RAPGEF1: variants seen among roughly 807,000 people sequenced by gnomAD.
The protein encoded by RAPGEF1 is Rap guanine nucleotide exchange factor 1.
A neutral mutation model predicts 143.3 loss-of-function variants in RAPGEF1; 33 were observed. The observed-to-expected ratio is 0.23, with a 90% confidence interval of 0.17 to 0.31. The LOEUF (loss-of-function observed/expected upper bound fraction) is 0.31. RAPGEF1 is among the 10% of genes least tolerant of loss of function. The probability of loss-of-function intolerance (pLI) is 1.00; values close to 1 mark genes in which losing one functional copy is unlikely to be tolerated. For synonymous variants in RAPGEF1, 629 were observed against 676.5 expected, an observed-to-expected ratio of 0.93 and a Z score of 1.09; for missense variants, 1,199 against 1,645.4, an observed-to-expected ratio of 0.73 and a Z score of 4.69.
rs1193886937 is a variant in RAPGEF1 at position 131,589,872 on chromosome 9, G to T, written c.2867+14C>A. 5 of 1,611,084 alleles carry T rather than the reference G, an allele frequency of 3.1e-6. No homozygotes were observed. The South Asian group carries it at 5.5e-5, about 18-fold the overall frequency. ...CCCCACTGGCCCCCAGGACCCCAAG[G>T]GTGAAGCACTCACCAGAGCTCATCC... On this transcript the variant is annotated intron_variant, in intron 19 of 26. Coordinates refer to ENST00000683357, the MANE Select transcript of RAPGEF1 (RefSeq NM_001377935.1).
chr9:131,725,758 GTGTT>G (rs1480795880), intron 1 of RAPGEF1, among the ~76,000 whole-genome samples: 2 of 136,606 alleles, frequency 1.5e-5, no homozygotes, highest in Non-Finnish European at 3.2e-5. Flanking sequence ...AAATTGGGTT[GTGTT>G]TTTTTTTTTT....
chr9:131,592,898 C>T (rs140152339), intron 17 of RAPGEF1, among the ~76,000 whole-genome samples: 36 of 152,266 alleles, frequency 2.4e-4, no homozygotes, highest in African/African-American at 6.7e-4. Context: ...ACCACAGGCA[C>T]GCGCCACTAC....
chr9:131,650,698 A>AGTAG lies in RAPGEF1; in HGVS notation c.201+108_201+111dup. 1 of 1,434,726 alleles carries AGTAG rather than the reference A, an allele frequency of 7.0e-7. No individual in the cohort carries two copies. Among genetic ancestry groups the AGTAG allele is most frequent in the Non-Finnish European group, 9.5e-7 (1 of 1,056,736 alleles). The allele number at this position is 1,434,726 out of a possible 1,614,324, so 88.9% of individuals were successfully genotyped here. A position where few individuals can be genotyped will look rare whatever the true frequency, so the allele number is the denominator to read the frequency against. The stretch of plus-strand genomic sequence containing the variant: ...AGGTCCCGCCCATGGAATGCTACGA[A>AGTAG]GTAGGTATGATGCACTGAAAGCTCA... On this transcript the variant is annotated intron_variant, in intron 2 of 26. Transcript: ENST00000683357. This position sits in a 1 kb window ranked among gnomAD's most constrained non-coding sequence, Gnocchi z 4.7.
intron 11 of RAPGEF1, 23 bp from the exon 12 acceptor site, chr9:131,619,229 G>A (rs539355653): frequency 1.1e-4 from 142 of 1,300,408 alleles, no homozygotes; most frequent in African/African-American, 6.8e-4. Flanking sequence ...GGGGAGGAGA[G>A]AGAAGGCAGG....
chr9:131,678,184 G>C (rs2130896060), intron 1 of RAPGEF1, among the ~76,000 whole-genome samples: 1 of 152,316 alleles, frequency 6.6e-6, no homozygotes, highest in East Asian at 1.9e-4. Flanking sequence ...AGAGTCAGAA[G>C]CTTAGAACTC....
chr9:131,689,377 G>A lies in RAPGEF1; in HGVS notation c.62-38428C>T, dbSNP rs115635610. Among the ~76,000 whole-genome samples the A allele has an allele frequency of 3.0e-3, 459 of 152,120 alleles. 4 individuals are homozygous for A. The highest frequency in any genetic ancestry group is 0.01 in the African/African-American group (415 of 41,460). ...CTGGAAGTGATCAATATACTAATGCGACATATTCTGGAATGGCATTTCCTG... is the reference window on the plus strand; with the variant it reads ...CTGGAAGTGATCAATATACTAATGCAACATATTCTGGAATGGCATTTCCTG... On this transcript the variant is annotated intron_variant, in intron 1 of 26. Transcript: ENST00000683357.
At chr9:131,642,982 A>G (rs556655976) in intron 4 of RAPGEF1, among the ~76,000 whole-genome samples, 32 of 152,294 alleles carry the variant, frequency 2.1e-4, no homozygotes, top group Middle Eastern at 3.4e-3. Flanking sequence ...AAGTTCTGCA[A>G]TGACCACAAA....
intron 6 of RAPGEF1, 88 bp from the exon 7 acceptor site, chr9:131,629,342 G>C: frequency 2.2e-6 from 3 of 1,346,406 alleles, no homozygotes; most frequent in Non-Finnish European, 3.1e-6. Flanking sequence ...GACGTGACCA[G>C]GAAGAACACA....
At chr9:131,605,739 C>T (rs150027665) in intron 12 of RAPGEF1, among the ~76,000 whole-genome samples, 21 of 149,256 alleles carry the variant, frequency 1.4e-4, no homozygotes, top group Middle Eastern at 3.4e-3. Flanking sequence ...TCTCTTCCTA[C>T]CCCATTTTTT....
rs1386110926 is a variant in RAPGEF1 at position 131,605,003 on chromosome 9, G to C, written c.2247C>G (p.Leu749=). Residue 749 remains leucine (L), a synonymous_variant, in exon 13 of 27, where the codon CTC becomes CTG. Coordinates refer to ENST00000683357, the MANE Select transcript of RAPGEF1 (RefSeq NM_001377935.1). ...GPPPSTVDGP[L]SASQESSFHG... ...GAAAGCTGCTCTCCTGAGAAGCCGA[G>C]AGAGGCCCGTCCACGGTGCTGGGAG... is the stretch of plus-strand genomic sequence containing the variant. 7.4e-7 allele frequency: 1 copy of C among 1,355,648 alleles called. No individual in the cohort carries two copies. The highest frequency in any genetic ancestry group is 1.2e-5 in the South Asian group (1 of 85,828). The allele number at this position is 1,355,648 out of a possible 1,614,324, so 84.0% of individuals were successfully genotyped here.
At chr9:131,666,021 T>A (rs867679249) in intron 1 of RAPGEF1, among the ~76,000 whole-genome samples, 3 of 152,180 alleles carry the variant, frequency 2.0e-5, no homozygotes, top group Non-Finnish European at 4.4e-5. Flanking sequence ...ATAAAATAAA[T>A]AAGTGCTTGT....
chr9:131,631,710 T>C (rs982348069), intron 5 of RAPGEF1, among the ~76,000 whole-genome samples: 3 of 152,242 alleles, frequency 2.0e-5, no homozygotes, highest in Non-Finnish European at 4.4e-5. Flanking sequence ...AGGCAGCGTA[T>C]GCTGCAAATA....
At chr9:131,656,104 C>T (rs1262348205) in intron 1 of RAPGEF1, among the ~76,000 whole-genome samples, 1 of 152,186 alleles carries the variant, frequency 6.6e-6, no homozygotes, top group Admixed American at 6.5e-5. Context: ...ACGGCACCCG[C>T]TCAACACAAG....
At chr9:131,706,914 C>T (rs1249221333) in intron 1 of RAPGEF1, among the ~76,000 whole-genome samples, 1 of 152,318 alleles carries the variant, frequency 6.6e-6, no homozygotes, top group East Asian at 1.9e-4. Context: ...CTACTACCAA[C>T]AGTGGTCCTA....
intron 5 of RAPGEF1, among the ~76,000 whole-genome samples, chr9:131,632,275 C>A (rs902583608): frequency 2.0e-5 from 3 of 151,512 alleles, no homozygotes; most frequent in Non-Finnish European, 4.4e-5. Flanking sequence ...ACTACAGGCA[C>A]CTGCCACTGC....
At position 131,619,198 on chromosome 9, in the gene RAPGEF1, A is replaced by G; in HGVS notation, c.1914T>C (p.Cys638=). The change falls in exon 12 of 27, where the codon TGT becomes TGC. Residue 638 remains cysteine, a synonymous_variant. Coordinates refer to ENST00000683357, the MANE Select transcript of RAPGEF1 (RefSeq NM_001377935.1). ...AGACAGAGGAGAAGGAAGAAGCAGCACAGGAGGCCTGCTGGACAGAGGGGA... is the reference window on the plus strand; with the variant it reads ...AGACAGAGGAGAAGGAAGAAGCAGCGCAGGAGGCCTGCTGGACAGAGGGGA... The part of the protein sequence containing the change: ...LPPKQRQLAS[C]AASSFSSVSH... The G allele has an allele frequency of 7.7e-7, 1 of 1,304,988 alleles. No individual in the cohort carries two copies. The highest frequency in any genetic ancestry group is 1.0e-6 in the Non-Finnish European group (1 of 989,460). 80.8% of individuals were successfully genotyped at this position (1,304,988 alleles called of 1,614,324 possible). A position where few individuals can be genotyped will look rare whatever the true frequency, so the allele number is the denominator to read the frequency against.
At position 131,628,035 on chromosome 9, in the gene RAPGEF1, C is replaced by T. The variant is rs766236097; in HGVS notation, c.1079G>A (p.Gly360Glu). The change falls in exon 9 of 27, where the codon GGA becomes GAA. Residue 360 changes from glycine (G) to glutamate (E), a missense_variant. By Grantham distance (98) the Gly-to-Glu change is moderately conservative. Coordinates refer to ENST00000683357, the MANE Select transcript of RAPGEF1 (RefSeq NM_001377935.1). The surrounding 1 kb of genome is among the most constrained non-coding windows in gnomAD (Gnocchi z 5.7). ...GCAGGGGGAGAGGCGGGGCGACTCT[C>T]CACCATATGAGTGGCTGCCTCCTGA... ...RLSGGSHSYGGESPRLSPCSS... is the reference protein window; with the variant it reads ...RLSGGSHSYGEESPRLSPCSS... The T allele has an allele frequency of 1.5e-5, 24 of 1,565,538 alleles. No individual in the cohort carries two copies. Among genetic ancestry groups the T allele is most frequent in the Middle Eastern group, 3.3e-4 (2 of 6,006 alleles).
At chr9:131,603,885 G>C (rs548991543) in intron 14 of RAPGEF1, 76 bp downstream of exon 14, 2 of 893,304 alleles carry the variant, frequency 2.2e-6, no homozygotes, top group Non-Finnish European at 3.1e-6. Flanking sequence ...AGGTGCGGGG[G>C]AAGCGGCCTC....
In RAPGEF1 at chr9:131,638,810, TG is replaced by T; in HGVS notation, c.495-20del. 6.2e-7 allele frequency: 1 copy of T among 1,609,766 alleles called. No individual in the cohort carries two copies. Among genetic ancestry groups the T allele is most frequent in the Non-Finnish European group, 8.5e-7 (1 of 1,177,692 alleles). On this transcript the variant is annotated intron_variant, in intron 4 of 26. Coordinates refer to ENST00000683357, the MANE Select transcript of RAPGEF1 (RefSeq NM_001377935.1). ...GGCTGAGCTACAGGGAAGAGAAGAA[TG>T]GAAAAAAAGAAAATCTAAAGCATGA...
Sources: gnomAD v4.1 joint callset for allele counts (sites outside exome capture counted in the v4.1 genomes callset) on GRCh38, gnomAD v4.1.1 for gene constraint, Gnocchi (gnomAD v3.1) non-coding constraint, MANE v1.5 for transcripts, NCBI Gene and HGNC (gene_info 2026-07-23, HGNC 2026-07-21) for gene names.